BPI: variants seen among roughly 807,000 people sequenced by gnomAD.
The protein encoded by BPI is bactericidal permeability-increasing protein.
A neutral mutation model predicts 57.6 loss-of-function variants in BPI; 48 were observed. The observed-to-expected ratio is 0.83, with a 90% confidence interval of 0.66 to 1.06. BPI has a LOEUF of 1.06. BPI is among the 50% of genes least tolerant of loss of function. The pLI is 0.00. For missense variants in BPI, 651 were observed against 609.7 expected, an observed-to-expected ratio of 1.07 and a Z score of -0.71; for synonymous variants, 237 against 238.2, an observed-to-expected ratio of 0.99 and a Z score of 0.05.
chr20:38,304,865 G>A (rs548404876), intron 1 of BPI, among the ~76,000 whole-genome samples: 85 of 151,502 alleles, frequency 5.6e-4, no homozygotes, highest in Non-Finnish European at 1.1e-3. Context: ...CCAGGCAGAG[G>A]AGAGAAAGAC....
chr20:38,335,399 C>T (rs539745884), intron 13 of BPI, 199 bp from the exon 14 acceptor site: 3 of 600,566 alleles, frequency 5.0e-6, no homozygotes, highest in Non-Finnish European at 8.9e-6. Context: ...TAGAAGTGGA[C>T]TTGGGGTTGA....
chr20:38,311,715 AG>A (rs1264911563), intron 4 of BPI, among the ~76,000 whole-genome samples, 158 bp from the exon 5 acceptor site: 1 of 152,080 alleles, frequency 6.6e-6, no homozygotes, highest in Non-Finnish European at 1.5e-5. Flanking sequence ...TAAATCGGGG[AG>A]AAGTGTCTGA....
chr20:38,308,012 C>T (rs553623793), intron 2 of BPI, among the ~76,000 whole-genome samples: 16 of 152,346 alleles, frequency 1.1e-4, no homozygotes, highest in Non-Finnish European at 2.9e-5. Context: ...CTGGAAGAGT[C>T]TGGCTTCAGG....
chr20:38,319,009 C>T (rs965230158), intron 6 of BPI, among the ~76,000 whole-genome samples: 17 of 152,244 alleles, frequency 1.1e-4, no homozygotes, highest in African/African-American at 1.7e-4. Flanking sequence ...CCAAGGCAGG[C>T]GGACCACCTG....
At chr20:38,334,540 G>T in intron 13 of BPI, 47 bp downstream of exon 13, 2 of 1,582,690 alleles carry the variant, frequency 1.3e-6, no homozygotes, top group Non-Finnish European at 1.7e-6. Flanking sequence ...TGGGGGAAGA[G>T]GGTGGGGTTG....
At chr20:38,312,940 G>T (rs1392956206) in intron 5 of BPI, among the ~76,000 whole-genome samples, 1 of 152,166 alleles carries the variant, frequency 6.6e-6, no homozygotes, top group Non-Finnish European at 1.5e-5. Context: ...GGGATTAGAT[G>T]GGACAGTTCC....
intron 7 of BPI, among the ~76,000 whole-genome samples, 192 bp downstream of exon 7, chr20:38,320,466 C>T (rs887322728): frequency 6.6e-5 from 10 of 151,834 alleles, no homozygotes; most frequent in African/African-American, 2.4e-4. Flanking sequence ...ACACACCATG[C>T]CTGCCCCACC....
intron 5 of BPI, among the ~76,000 whole-genome samples, chr20:38,314,245 T>C (rs1428927368): frequency 6.9e-6 from 1 of 145,880 alleles, no homozygotes; most frequent in African/African-American, 2.6e-5. Context: ...GGGAAGATGA[T>C]GATGATGGTG....
chr20:38,306,435 T>G (rs1005665659), intron 1 of BPI, among the ~76,000 whole-genome samples: 1 of 152,214 alleles, frequency 6.6e-6, no homozygotes, highest in African/African-American at 2.4e-5. Context: ...TCAGGGGGCT[T>G]ACATGTAATA....
intron 6 of BPI, 74 bp downstream of exon 6, chr20:38,318,550 A>G: frequency 2.0e-6 from 3 of 1,533,134 alleles, no homozygotes; most frequent in East Asian, 2.2e-5. Flanking sequence ...GGTGGATGTG[A>G]TGGGGCCGGC....
chr20:38,331,918 C>A (rs939964074), intron 12 of BPI, among the ~76,000 whole-genome samples: 1 of 150,304 alleles, frequency 6.7e-6, no homozygotes, highest in Non-Finnish European at 1.5e-5. Context: ...CGGGGATGGG[C>A]GGAAAGTGAT....
rs745360695 is a variant in BPI at position 38,320,190 on chromosome 20, C to T, written c.672C>T (p.Thr224=). The T allele has an allele frequency of 1.2e-6, 2 of 1,613,958 alleles. No homozygotes were observed. Among genetic ancestry groups the T allele is most frequent in the South Asian group, 2.2e-5 (2 of 91,068 alleles). Residue 224 remains threonine, a synonymous_variant, in exon 7 of 15, where the codon ACC becomes ACT. Transcript: ENST00000642449. ...QPYFQTLPVM[T]KIDSVAGINY... The stretch of plus-strand genomic sequence containing the variant: ...CATTTTCTTTCTCTCTAGTAATGAC[C>T]AAAATAGATTCTGTGGCTGGAATCA...
chr20:38,319,889 CA>C lies in BPI; in HGVS notation c.665-292del. On this transcript the variant is annotated intron_variant, in intron 6 of 14. Coordinates refer to ENST00000642449, the MANE Select transcript of BPI (RefSeq NM_001725.3). ...GCTCAGAGAAGTGCAAGGACTTGTC[CA>C]AGGTCATCCAGAGTTTGGTTCAAGC... 1.0e-5 allele frequency: 4 copies of C among 382,826 alleles called. No individual in the cohort carries two copies. In the Admixed American group the frequency reaches 1.2e-4, roughly 12 times the overall value. 23.7% of individuals were successfully genotyped at this position (382,826 alleles called of 1,614,324 possible).
intron 7 of BPI, among the ~76,000 whole-genome samples, chr20:38,322,227 C>T (rs2076690012): frequency 6.6e-6 from 1 of 152,252 alleles, no homozygotes; most frequent in East Asian, 1.9e-4. Flanking sequence ...AGTGATCATC[C>T]TTGCAATCGT....
intron 13 of BPI, 79 bp downstream of exon 13, chr20:38,334,572 C>G: frequency 2.8e-6 from 4 of 1,434,378 alleles, no homozygotes; most frequent in Non-Finnish European, 3.9e-6. Flanking sequence ...CCACCTGTTA[C>G]CTGGCCCCAG....
intron 5 of BPI, among the ~76,000 whole-genome samples, chr20:38,312,703 C>T (rs1379303501): frequency 6.6e-6 from 1 of 152,124 alleles, no homozygotes; most frequent in Admixed American, 6.6e-5. Flanking sequence ...AAGGAGACCA[C>T]TGAGGAGTCT....
chr20:38,322,853 A>C (rs1356706694), intron 7 of BPI, among the ~76,000 whole-genome samples: 2 of 152,186 alleles, frequency 1.3e-5, no homozygotes, highest in South Asian at 4.1e-4. Context: ...CAGGTGATGC[A>C]CCTGCCTTGG....
chr20:38,304,682 C>A (rs2076588716), intron 1 of BPI, among the ~76,000 whole-genome samples: 1 of 152,212 alleles, frequency 6.6e-6, no homozygotes, highest in African/African-American at 2.4e-5. Context: ...AAAGCCAGTT[C>A]TCAGCCTTGC....
Position 38,326,597 on chromosome 20 carries a change from G to T in BPI, c.1161+165G>T. 5 of 757,764 alleles carry T rather than the reference G, an allele frequency of 6.6e-6. No homozygotes were observed. The East Asian group carries it at 9.3e-5, about 14-fold the overall frequency. 46.9% of individuals were successfully genotyped at this position (757,764 alleles called of 1,614,324 possible). A position where few individuals can be genotyped will look rare whatever the true frequency, so the allele number is the denominator to read the frequency against. ...GTACTCAATGGTGCCGACTCCTGGA[G>T]GTATTCATTCACCCAGCCATTCACT... On this transcript the variant is annotated intron_variant, in intron 10 of 14. Transcript: ENST00000642449.
Sources: allele counts gnomAD v4.1 joint callset (sites outside exome capture counted in the v4.1 genomes callset), GRCh38; gene constraint gnomAD v4.1.1; transcripts MANE v1.5; gene names NCBI Gene and HGNC (gene_info 2026-07-23, HGNC 2026-07-21).